Variants in ADAMTSL1 observed in about 807,000 individuals in gnomAD.
The protein encoded by ADAMTSL1 is ADAMTS-like protein 1.
A neutral mutation model predicts 201.8 loss-of-function variants in ADAMTSL1; 126 were observed. The ratio of observed to expected loss-of-function variants is 0.62; its 90% CI spans 0.54 to 0.72. ADAMTSL1 has a LOEUF of 0.72. Among genes scored for constraint, ADAMTSL1 ranks in the 30% least tolerant of loss-of-function variants. The probability of loss-of-function intolerance (pLI) is 0.00; values close to 1 mark genes in which losing one functional copy is unlikely to be tolerated. For missense variants in ADAMTSL1, 2,679 were observed against 2,277.8 expected (o/e 1.18, Z -3.59); for synonymous variants, 1,121 against 903.4 (o/e 1.24, Z -4.32).
At chr9:18,369,193 G>A (rs2133118327) in intron 2 of ADAMTSL1, among the ~76,000 whole-genome samples, 1 of 152,262 alleles carries the variant, frequency 6.6e-6, no homozygotes, top group East Asian at 1.9e-4. Flanking sequence ...TATAGCATAG[G>A]CTCTTGAATT....
intron 23 of ADAMTSL1, among the ~76,000 whole-genome samples, chr9:18,886,284 G>C (rs4977457): frequency 0.08 from 11,901 of 148,276 alleles, 594 homozygotes; most frequent in East Asian, 0.21. Flanking sequence ...TGGACATGGT[G>C]GTGCACACCT....
rs539983032 is a variant in ADAMTSL1 at position 18,835,589 on chromosome 9, G to A, written c.4249+5612G>A. 2.6e-5 allele frequency among the ~76,000 whole-genome samples: 4 copies of A among 152,174 alleles called. No homozygotes were observed. The South Asian group carries it at 6.2e-4, about 24-fold the overall frequency. On this transcript the variant is annotated intron_variant, in intron 23 of 28. Coordinates refer to ENST00000380548, the MANE Select transcript of ADAMTSL1 (RefSeq NM_001040272.6). ...ATATTTCCCAATGCTGAGATTTGAG[G>A]TATGATTGATCCCATCACCCAGATA...
intron 2 of ADAMTSL1, among the ~76,000 whole-genome samples, chr9:18,367,350 A>C (rs1471541439): frequency 6.6e-6 from 1 of 151,312 alleles, no homozygotes; most frequent in Non-Finnish European, 1.5e-5. Flanking sequence ...CAGATAAGTG[A>C]ATCTTTTAGA....
At chr9:18,138,292 G>T (rs1224999636) in intron 1 of ADAMTSL1, among the ~76,000 whole-genome samples, 1 of 152,044 alleles carries the variant, frequency 6.6e-6, no homozygotes, top group Non-Finnish European at 1.5e-5. Flanking sequence ...TGTGTTTCAG[G>T]TTTTAAACCA....
intron 1 of ADAMTSL1, among the ~76,000 whole-genome samples, chr9:18,017,275 C>T (rs897204725): frequency 2.6e-5 from 4 of 152,016 alleles, no homozygotes; most frequent in Non-Finnish European, 4.4e-5. Context: ...TCTTCATATT[C>T]GTTCTGAATG....
chr9:18,290,769 C>CTTTTTT (rs1345749640), intron 2 of ADAMTSL1, among the ~76,000 whole-genome samples: 2 of 82,718 alleles, frequency 2.4e-5, no homozygotes, highest in South Asian at 1.0e-3. Flanking sequence ...TGAAAGCTGG[C>CTTTTTT]TTTTTTTGTG....
In ADAMTSL1 at chr9:18,622,413, T is replaced by A. The variant is rs753118956; in HGVS notation, c.601+44T>A. ...GGCGACCTTTGGACTTGTTGACTTATCCTCTCCTGGCTTAGGTCTGGCCCC... is the reference window on the plus strand; with the variant it reads ...GGCGACCTTTGGACTTGTTGACTTAACCTCTCCTGGCTTAGGTCTGGCCCC... On this transcript the variant is annotated intron_variant, in intron 5 of 28. Coordinates refer to ENST00000380548, the MANE Select transcript of ADAMTSL1 (RefSeq NM_001040272.6). The A allele has an allele frequency of 1.9e-6, 3 of 1,613,644 alleles. No homozygotes were observed. The East Asian group carries it at 6.7e-5, about 36-fold the overall frequency.
intron 1 of ADAMTSL1, among the ~76,000 whole-genome samples, chr9:18,129,839 C>T (rs1825876522): frequency 1.3e-5 from 2 of 152,102 alleles, no homozygotes; most frequent in African/African-American, 2.4e-5. Context: ...AAGGAAGTAG[C>T]CTGAGGTCAA....
chr9:18,778,704 T>C (rs1821209353), intron 19 of ADAMTSL1, among the ~76,000 whole-genome samples: 1 of 152,258 alleles, frequency 6.6e-6, no homozygotes, highest in Admixed American at 6.5e-5. Flanking sequence ...GTAAACTCTT[T>C]ATGTGTTTTA....
intron 23 of ADAMTSL1, among the ~76,000 whole-genome samples, chr9:18,841,278 G>A (rs1171501388): frequency 6.6e-6 from 1 of 152,080 alleles, no homozygotes; most frequent in African/African-American, 2.4e-5. Flanking sequence ...GGCCTTTTCT[G>A]CATCTATTGA....
chr9:18,262,409 A>G (rs1300610149), intron 2 of ADAMTSL1, among the ~76,000 whole-genome samples: 1 of 152,250 alleles, frequency 6.6e-6, no homozygotes, highest in Admixed American at 6.5e-5. Context: ...AGATTTTTAC[A>G]TAAACATATT....
chr9:18,707,693 C>T (rs1832309182), intron 14 of ADAMTSL1, among the ~76,000 whole-genome samples: 1 of 152,242 alleles, frequency 6.6e-6, no homozygotes, highest in South Asian at 2.1e-4. Context: ...TGCCTGGAGC[C>T]TTTCCATCAT....
chr9:18,472,238 A>G (rs1821243927), upstream of ADAMTSL1, among the ~76,000 whole-genome samples: 1 of 152,228 alleles, frequency 6.6e-6, no homozygotes, highest in African/African-American at 2.4e-5. Flanking sequence ...TATTTCAATC[A>G]ATCACCTTTC....
chr9:18,747,927 A>G (rs1819240252), intron 15 of ADAMTSL1, among the ~76,000 whole-genome samples: 1 of 152,216 alleles, frequency 6.6e-6, no homozygotes, highest in Non-Finnish European at 1.5e-5. Context: ...TTAAAGTGAC[A>G]GGCCAATCCA....
In ADAMTSL1 at chr9:18,563,584, C is replaced by T. The variant is rs866676879; in HGVS notation, c.238-10446C>T. ...TCTCTTTAGAGCCAGCAGGCAGGAA[C>T]GTTTAAGTCTGCTGAAGCCGCACCC... On this transcript the variant is annotated intron_variant, in intron 3 of 28. Transcript: ENST00000380548. 2.0e-5 allele frequency among the ~76,000 whole-genome samples: 3 copies of T among 152,192 alleles called. No individual in the cohort carries two copies. The East Asian group carries it at 5.8e-4, about 29-fold the overall frequency.
chr9:18,586,670 G>A (rs190427559), intron 4 of ADAMTSL1, among the ~76,000 whole-genome samples: 3 of 152,052 alleles, frequency 2.0e-5, no homozygotes, highest in Non-Finnish European at 4.4e-5. Context: ...AAAACTGAAT[G>A]CATCACATTA....
chr9:18,484,401 G>GTGTT (rs1486902326), intron 1 of ADAMTSL1, among the ~76,000 whole-genome samples: 2 of 152,200 alleles, frequency 1.3e-5, no homozygotes, highest in Non-Finnish European at 2.9e-5. Flanking sequence ...AAGAAAGAAT[G>GTGTT]TGTTAGAAAA....
intron 4 of ADAMTSL1, among the ~76,000 whole-genome samples, chr9:18,586,985 TA>T (rs201099097): frequency 9.9e-5 from 15 of 151,160 alleles, no homozygotes; most frequent in East Asian, 1.9e-4. Flanking sequence ...TAAATACTAT[TA>T]AAAAAAAACT....
Position 18,688,704 on chromosome 9 carries a change from A to ATATATATATATATATATATC in ADAMTSL1, c.1574+3909_1574+3910insATATATATATATATCTATAT, listed in dbSNP as rs138160150. Among the ~76,000 whole-genome samples, 418 of 72,310 alleles carry ATATATATATATATATATATC rather than the reference A, an allele frequency of 5.8e-3. 14 individuals are homozygous for ATATATATATATATATATATC. The highest frequency in any genetic ancestry group is 1.0e-2 in the African/African-American group (177 of 17,750). 47.4% of individuals were successfully genotyped at this position (72,310 alleles called of 152,430 possible). On this transcript the variant is annotated intron_variant, in intron 13 of 28. Transcript: ENST00000380548. ...AAAAAAAAAAAATATATATATATATATATATGACTGTGACTAAGAATGCCT... is the reference window on the plus strand; with the variant it reads ...AAAAAAAAAAAATATATATATATATATATATATATATATATATATCTATATGACTGTGACTAAGAATGCCT...
Sources: gnomAD v4.1 joint callset for allele counts (sites outside exome capture counted in the v4.1 genomes callset) on GRCh38, gnomAD v4.1.1 for gene constraint, MANE v1.5 for transcripts, NCBI Gene and HGNC (gene_info 2026-07-23, HGNC 2026-07-21) for gene names.